Variants in KIAA1210 observed in about 807,000 individuals in gnomAD.
KIAA1210 encodes acrosomal protein KIAA1210.
A neutral mutation model predicts 78.9 loss-of-function variants in KIAA1210; 48 were observed. The observed-to-expected ratio is 0.61, with a 90% CI of 0.48 to 0.77. The LOEUF is 0.77. Among genes scored for constraint, KIAA1210 ranks in the 30% least tolerant of loss-of-function variants. The pLI is 0.00. For missense variants in KIAA1210, 1,108 were observed against 1,100.0 expected (o/e 1.01, Z -0.10); for synonymous variants, 406 against 404.5 (o/e 1.00, Z -0.04).
intron 2 of KIAA1210, among the ~76,000 whole-genome samples, chrX:119,136,740 T>A (rs1023699472): frequency 8.9e-5 from 10 of 112,219 alleles, no homozygotes; most frequent in African/African-American, 2.9e-4. Flanking sequence ...GAATCTGAGA[T>A]CACTGGACAT....
At chrX:119,136,424 G>A (rs138163819) in intron 2 of KIAA1210, among the ~76,000 whole-genome samples, 1,408 of 112,231 alleles carry the variant, frequency 0.013, 11 homozygotes, top group Admixed American at 0.043. Flanking sequence ...TCCCAGTTCT[G>A]GAGGGATATA....
At chrX:119,127,073 CAA>C (rs5903547) in intron 1 of KIAA1210, among the ~76,000 whole-genome samples, 2,145 of 92,265 alleles carry the variant, frequency 0.023, 58 homozygotes, top group African/African-American at 0.07. Context: ...GAACCTGTCT[CAA>C]AAAAAAAAAA....
intron 2 of KIAA1210, among the ~76,000 whole-genome samples, chrX:119,145,998 A>G (rs949050469): frequency 2.7e-5 from 3 of 112,474 alleles, no homozygotes; most frequent in East Asian, 2.8e-4. Flanking sequence ...AGCTAAAAGA[A>G]TGCTAAAGTA....
intron 2 of KIAA1210, among the ~76,000 whole-genome samples, chrX:119,138,415 C>T (rs1245909881): frequency 9.1e-6 from 1 of 110,031 alleles, no homozygotes; most frequent in Admixed American, 9.7e-5. Flanking sequence ...GACGGGGTTT[C>T]CCCATGTTGG....
upstream of KIAA1210, among the ~76,000 whole-genome samples, chrX:119,132,152 C>A (rs1026960678): frequency 1.1e-4 from 12 of 111,801 alleles, no homozygotes; most frequent in Admixed American, 1.1e-3. Flanking sequence ...AAAAGATAAC[C>A]CTGTACCTCA....
intron 5 of KIAA1210, among the ~76,000 whole-genome samples, chrX:119,106,527 G>A (rs1242557064): frequency 8.9e-6 from 1 of 111,818 alleles, no homozygotes; most frequent in East Asian, 2.8e-4. Flanking sequence ...AGTTCAAGAC[G>A]TTTAAAGGCA....
intron 3 of KIAA1210, among the ~76,000 whole-genome samples, chrX:119,112,798 GT>G (rs1448735676): frequency 9.0e-6 from 1 of 111,638 alleles, no homozygotes; most frequent in Non-Finnish European, 1.9e-5. Flanking sequence ...GCCTCAAAAG[GT>G]TAAATATATA....
rs927152650 is a variant in KIAA1210, at chrX:119,085,664, T to G, written c.4157-118A>C. On this transcript the variant is annotated intron_variant, in intron 9 of 11. Transcript: ENST00000691062. Reference sequence around the variant, plus strand: ...ACCCTTGTTAATTGCCAAAGGAAAATAAACAGATATCAAACAGAGAAGGCC... The same window carrying G: ...ACCCTTGTTAATTGCCAAAGGAAAAGAAACAGATATCAAACAGAGAAGGCC... 7.4e-6 allele frequency: 5 copies of G among 673,849 alleles called. No homozygotes were observed. The African/African-American group carries it at 1.1e-4, about 15-fold the overall frequency. 55.5% of individuals were successfully genotyped at this position (673,849 alleles called of 1,213,427 possible).
At chrX:119,091,601 G>A in intron 8 of KIAA1210, among the ~76,000 whole-genome samples, 1 of 111,372 alleles carries the variant, frequency 9.0e-6, no homozygotes, top group Non-Finnish European at 1.9e-5. Flanking sequence ...CAGATGGAAG[G>A]GTCCCTCGCT....
intron 3 of KIAA1210, among the ~76,000 whole-genome samples, chrX:119,109,723 T>C (rs1287850380): frequency 1.8e-5 from 2 of 111,781 alleles, no homozygotes; most frequent in Admixed American, 1.9e-4. Flanking sequence ...TCCAAATTTC[T>C]CTCGTGTTTT....
chrX:119,131,902 C>T (rs1210132021), upstream of KIAA1210, among the ~76,000 whole-genome samples: 1 of 112,078 alleles, frequency 8.9e-6, no homozygotes, highest in African/African-American at 3.2e-5. Flanking sequence ...CAGGAAGACC[C>T]GTCTCTACTA....
chrX:119,089,900 T>C (rs1208162248), intron 8 of KIAA1210, among the ~76,000 whole-genome samples, 154 bp from the exon 9 acceptor site: 1 of 112,151 alleles, frequency 8.9e-6, no homozygotes, highest in African/African-American at 3.2e-5. Flanking sequence ...ACATGGTCAC[T>C]ATTAGGTTTC....
intron 9 of KIAA1210, among the ~76,000 whole-genome samples, chrX:119,085,899 C>A (rs927139365): frequency 1.8e-5 from 2 of 112,893 alleles, no homozygotes; most frequent in African/African-American, 6.4e-5. Flanking sequence ...CTAGAAAAAT[C>A]TTTGAAAAAT....
At chrX:119,086,471 T>C (rs1405063550) in intron 9 of KIAA1210, 75 bp downstream of exon 9, 1 of 952,988 alleles carries the variant, frequency 1.0e-6, no homozygotes, top group Non-Finnish European at 1.4e-6. Flanking sequence ...TAGACTTTAA[T>C]GCCCATTCAA....
At chrX:119,150,157 A>C in intron 1 of KIAA1210, 1 of 661,827 alleles carries the variant, frequency 1.5e-6, no homozygotes, top group Non-Finnish European at 2.2e-6. Flanking sequence ...TAGAGAAGCT[A>C]TAGCTTTGTC....
chrX:119,134,833 C>G (rs1406566488), intron 2 of KIAA1210, among the ~76,000 whole-genome samples: 1 of 112,230 alleles, frequency 8.9e-6, no homozygotes, highest in African/African-American at 3.2e-5. Context: ...ACAGGGAGTC[C>G]TATTCCATCT....
intron 10 of KIAA1210, 70 bp from the exon 11 acceptor site, chrX:119,083,190 G>A: frequency 6.3e-6 from 5 of 794,966 alleles, no homozygotes; most frequent in African/African-American, 2.0e-5. Context: ...CTTATTCAGA[G>A]GACCATAGAG....
intron 8 of KIAA1210, among the ~76,000 whole-genome samples, chrX:119,091,501 A>G (rs1220414086): frequency 8.9e-6 from 1 of 112,283 alleles, no homozygotes; most frequent in Non-Finnish European, 1.9e-5. Flanking sequence ...CTATGAGTAG[A>G]TAAAGAAAAT....
At chrX:119,133,077 G>A (rs999522266) in intron 2 of KIAA1210, among the ~76,000 whole-genome samples, 17 of 111,539 alleles carry the variant, frequency 1.5e-4, no homozygotes, top group African/African-American at 5.5e-4. Flanking sequence ...TAGAGGGAGC[G>A]TCTGATGCCA....
Sources: gnomAD v4.1 joint callset for allele counts (sites outside exome capture counted in the v4.1 genomes callset) on GRCh38, gnomAD v4.1.1 for gene constraint, MANE v1.5 for transcripts, NCBI Gene and HGNC (gene_info 2026-07-23, HGNC 2026-07-21) for gene names.